Variants in TLL1 observed in about 807,000 individuals in gnomAD.
TLL1 encodes tolloid like 1, also known as tolloid-like protein 1.
TLL1 carries 49 observed loss-of-function variants against 128.2 expected under a neutral mutation model. The ratio of observed to expected loss-of-function variants is 0.38; its 90% CI spans 0.30 to 0.48. The LOEUF (loss-of-function observed/expected upper bound fraction) is 0.48, where lower values mean the gene tolerates loss of function less well. TLL1 is among the 20% of genes least tolerant of loss of function. TLL1 has a pLI of 0.96. For synonymous variants in TLL1, 454 were observed against 418.8 expected (o/e 1.08, Z -1.03); for missense variants, 1,123 against 1,242.0 (o/e 0.90, Z 1.44).
chr4:166,029,367 T>C (rs1251282792), intron 9 of TLL1, among the ~76,000 whole-genome samples: 1 of 152,060 alleles, frequency 6.6e-6, no homozygotes, highest in African/African-American at 2.4e-5. Context: ...TATAAGATAT[T>C]GCTTTGCATA....
At chr4:166,062,685 C>G (rs76942338) in intron 15 of TLL1, among the ~76,000 whole-genome samples, 5 of 152,120 alleles carry the variant, frequency 3.3e-5, no homozygotes, top group Admixed American at 2.0e-4. Context: ...TTGACTTCCT[C>G]TTTTCCTAAT....
At chr4:166,083,948 T>C (rs560264089) in intron 18 of TLL1, among the ~76,000 whole-genome samples, 1 of 152,138 alleles carries the variant, frequency 6.6e-6, no homozygotes, top group African/African-American at 2.4e-5. Flanking sequence ...ATTTTTAACT[T>C]TTCGAGGAGA....
intron 20 of TLL1, 56 bp from the exon 21 acceptor site, chr4:166,100,686 A>C: frequency 6.2e-7 from 1 of 1,608,838 alleles, no homozygotes; most frequent in Non-Finnish European, 8.5e-7. Flanking sequence ...ACACTGAAGA[A>C]AAAGTGATTC....
At chr4:165,911,863 TG>T (rs1561023706) in intron 1 of TLL1, among the ~76,000 whole-genome samples, 1 of 151,998 alleles carries the variant, frequency 6.6e-6, no homozygotes, top group African/African-American at 2.4e-5. Context: ...AAGTCAATGG[TG>T]TTTTTTTGTT....
At chr4:166,038,140 C>T (rs773090578) in intron 9 of TLL1, among the ~76,000 whole-genome samples, 55 of 152,176 alleles carry the variant, frequency 3.6e-4, no homozygotes, top group Non-Finnish European at 1.3e-4. Context: ...CTTTCCAGCA[C>T]AGAATTGGTA....
intron 1 of TLL1, among the ~76,000 whole-genome samples, chr4:165,919,678 G>A (rs1397891861): frequency 6.6e-6 from 1 of 152,170 alleles, no homozygotes; most frequent in Non-Finnish European, 1.5e-5. Flanking sequence ...GATAAATACA[G>A]CTTATTCTAG....
At chr4:165,998,753 C>G (rs28407825) in intron 5 of TLL1, among the ~76,000 whole-genome samples, 3 of 151,436 alleles carry the variant, frequency 2.0e-5, no homozygotes, top group Admixed American at 2.0e-4. Context: ...GCCGAGATTG[C>G]ACCACTGCAC....
At position 165,982,069 on chromosome 4, in the gene TLL1, C is replaced by A. The variant is rs1188058716; in HGVS notation, c.170-7312C>A. ...TGCTAACAGACTCTGCTATATTAAGCAAAGTGTAGACGCCAAATAATGTGA... is the reference window on the plus strand; with the variant it reads ...TGCTAACAGACTCTGCTATATTAAGAAAAGTGTAGACGCCAAATAATGTGA... On this transcript the variant is annotated intron_variant, in intron 1 of 20. Transcript: ENST00000061240. 2.0e-5 allele frequency among the ~76,000 whole-genome samples: 3 copies of A among 152,048 alleles called. No homozygotes were observed. In the East Asian group the frequency reaches 5.8e-4, roughly 29 times the overall value.
At chr4:166,020,624 A>G (rs900790884) in intron 8 of TLL1, among the ~76,000 whole-genome samples, 5 of 152,118 alleles carry the variant, frequency 3.3e-5, no homozygotes, top group African/African-American at 1.2e-4. Context: ...TCTTATTACT[A>G]AGATGCTTAA....
intron 1 of TLL1, among the ~76,000 whole-genome samples, chr4:165,936,206 A>ATTTT (rs199985086): frequency 0.05 from 6,988 of 139,444 alleles, 225 homozygotes; most frequent in East Asian, 0.13. Flanking sequence ...ATATATATAT[A>ATTTT]TTTTTTTTTC....
intron 1 of TLL1, among the ~76,000 whole-genome samples, chr4:165,938,379 C>T (rs1285108193): frequency 1.3e-5 from 2 of 152,012 alleles, no homozygotes; most frequent in South Asian, 2.1e-4. Flanking sequence ...TAGTGCAGGT[C>T]TTCATTCTTT....
chr4:165,978,126 G>T (rs1735973569), intron 1 of TLL1, among the ~76,000 whole-genome samples: 1 of 151,914 alleles, frequency 6.6e-6, no homozygotes, highest in African/African-American at 2.4e-5. Context: ...ATTGCTTTCT[G>T]GTATTACAAT....
chr4:166,080,495 A>G (rs1164705930), intron 18 of TLL1, among the ~76,000 whole-genome samples: 1 of 151,996 alleles, frequency 6.6e-6, no homozygotes, highest in African/African-American at 2.4e-5. Flanking sequence ...TTTAAATTCC[A>G]TTTGATATAA....
At chr4:166,044,544 T>C in intron 12 of TLL1, 1 of 961,506 alleles carries the variant, frequency 1.0e-6, no homozygotes, top group Non-Finnish European at 1.5e-6. Flanking sequence ...ACTTTAATCA[T>C]TATGTTGTAT....
At chr4:166,007,901 A>G (rs1427544123) in intron 6 of TLL1, 42 bp from the exon 7 acceptor site, 1 of 1,307,672 alleles carries the variant, frequency 7.6e-7, no homozygotes, top group Non-Finnish European at 1.1e-6. Context: ...ATTTTCTGTC[A>G]GTTAAAAGGC....
At chr4:166,056,008 G>T (rs185308810) in intron 13 of TLL1, among the ~76,000 whole-genome samples, 33 of 152,190 alleles carry the variant, frequency 2.2e-4, no homozygotes, top group African/African-American at 7.5e-4. Flanking sequence ...ATTGTGTATT[G>T]CAAAACTTAG....
At position 165,945,996 on chromosome 4, in the gene TLL1, G is replaced by C. The variant is rs1039698580; in HGVS notation, c.170-43385G>C. On this transcript the variant is annotated intron_variant, in intron 1 of 20. Transcript: ENST00000061240. ...AAACAGAAGAGTCAGTTGGAAAGAT[G>C]TAGCAGAAGAGAGAAATTAGAGAGA... is the stretch of plus-strand genomic sequence containing the variant. Among the ~76,000 whole-genome samples the C allele has an allele frequency of 2.0e-5, 3 of 152,192 alleles. No homozygotes were observed. The East Asian group carries it at 5.8e-4, about 29-fold the overall frequency.
chr4:165,908,638 C>T (rs1021717111), intron 1 of TLL1, among the ~76,000 whole-genome samples: 1 of 150,230 alleles, frequency 6.7e-6, no homozygotes, highest in Non-Finnish European at 1.5e-5. Flanking sequence ...TAGCAGTCTG[C>T]ATGGAATTCA....
chr4:165,909,003 C>T (rs1411059502), intron 1 of TLL1, among the ~76,000 whole-genome samples: 1 of 152,112 alleles, frequency 6.6e-6, no homozygotes, highest in East Asian at 1.9e-4. Flanking sequence ...TTGAGACCAA[C>T]CTGGCCAACA....
Sources: allele counts gnomAD v4.1 joint callset (sites outside exome capture counted in the v4.1 genomes callset), GRCh38; gene constraint gnomAD v4.1.1; transcripts MANE v1.5; gene names NCBI Gene and HGNC (gene_info 2026-07-23, HGNC 2026-07-21).